SUFU: variants seen among roughly 807,000 people sequenced by gnomAD.
The protein encoded by SUFU is SUFU negative regulator of hedgehog signaling, also known as suppressor of fused homolog.
Under a neutral mutation model 58.9 loss-of-function variants are expected in SUFU, and 7 were observed. The ratio of observed to expected loss-of-function variants is 0.12; its 90% CI spans 0.07 to 0.22. The LOEUF (loss-of-function observed/expected upper bound fraction) is 0.22. Among genes scored for constraint, SUFU ranks in the 10% least tolerant of loss-of-function variants. SUFU has a pLI of 1.00. For missense variants in SUFU, 451 were observed against 641.3 expected (o/e 0.70, Z 3.20); for synonymous variants, 232 against 254.8 (o/e 0.91, Z 0.85).
At chr10:102,505,817 A>AG (rs2062318223) in intron 1 of SUFU, among the ~76,000 whole-genome samples, 1 of 152,142 alleles carries the variant, frequency 6.6e-6, no homozygotes, top group Non-Finnish European at 1.5e-5. Flanking sequence ...TCTGAGTGGA[A>AG]AGCAGCTCTT....
At chr10:102,549,529 C>T (rs1237732822) in intron 2 of SUFU, among the ~76,000 whole-genome samples, 2 of 152,166 alleles carry the variant, frequency 1.3e-5, no homozygotes, top group Non-Finnish European at 2.9e-5. Flanking sequence ...GACACAGAGC[C>T]AAACCATATC....
At position 102,617,502 on chromosome 10, in the gene SUFU, C is replaced by T. The variant is rs749880689; in HGVS notation, c.1296+74C>T. The T allele has an allele frequency of 2.4e-4, 388 of 1,605,788 alleles. 4 individuals are homozygous for T. In the Middle Eastern group the frequency reaches 0.02, roughly 81 times the overall value. On this transcript the variant is annotated intron_variant, in intron 10 of 11. Transcript: ENST00000369902. This position sits in a 1 kb window ranked among gnomAD's most constrained non-coding sequence, Gnocchi z 4.4. ...GCCCACCCCTCCTCTTCTCCCTTGG[C>T]AGCTCTTGATGGCACCCCTTCCTGG... is the stretch of plus-strand genomic sequence containing the variant.
In SUFU at chr10:102,575,382, TGAG is replaced by T. The variant is rs572312243; in HGVS notation, c.455-17199_455-17197del. Among the ~76,000 whole-genome samples, 29 of 152,298 alleles carry T rather than the reference TGAG, an allele frequency of 1.9e-4. No individual in the cohort carries two copies. In the East Asian group the frequency reaches 5.6e-3, roughly 29 times the overall value. On this transcript the variant is annotated intron_variant, in intron 3 of 11. Coordinates refer to ENST00000369902, the MANE Select transcript of SUFU (RefSeq NM_016169.4). ...ATTTATTTCTTACAGTTATGGAGGC[TGAG>T]AAGTCCAAGGTTAAAGGGCCCCATC...
At chr10:102,517,738 T>C (rs1310537137) in intron 2 of SUFU, among the ~76,000 whole-genome samples, 4 of 152,190 alleles carry the variant, frequency 2.6e-5, no homozygotes, top group Admixed American at 1.3e-4. Context: ...TGGGATCTTA[T>C]CCTCTATGAC....
At position 102,633,407 on chromosome 10, in the gene SUFU, C is replaced by A. The variant is rs1440472473; in HGVS notation, c.*3252C>A. The A allele has an allele frequency of 4.3e-6, 1 of 232,918 alleles. No homozygotes were observed. Among genetic ancestry groups the A allele is most frequent in the Non-Finnish European group, 8.5e-6 (1 of 117,638 alleles). 14.4% of individuals were successfully genotyped at this position (232,918 alleles called of 1,614,324 possible). A position where few individuals can be genotyped will look rare whatever the true frequency, so the allele number is the denominator to read the frequency against. ...TCACTTAGATGTCGTTTCCTTCTTG[C>A]CCCCTCTTCCTCTCTGTAATCTAAG... is the stretch of plus-strand genomic sequence containing the variant. On this transcript the variant is annotated 3_prime_UTR_variant, in exon 12 of 12. Transcript: ENST00000369902.
chr10:102,531,651 A>T (rs2062678863), intron 2 of SUFU, among the ~76,000 whole-genome samples: 1 of 122 alleles, frequency 8.2e-3, no homozygotes, highest in Admixed American at 0.083. Context: ...TCTCTTGGTC[A>T]GGGTCCCAAA....
At chr10:102,561,474 A>C (rs1165429214) in intron 3 of SUFU, among the ~76,000 whole-genome samples, 3 of 151,976 alleles carry the variant, frequency 2.0e-5, no homozygotes, top group Admixed American at 6.6e-5. Context: ...GGCTCAAGTG[A>C]TTCTCCTGCC....
At chr10:102,592,893 C>T (rs1412942892) in intron 4 of SUFU, among the ~76,000 whole-genome samples, 169 bp downstream of exon 4, 1 of 152,112 alleles carries the variant, frequency 6.6e-6, no homozygotes, top group Non-Finnish European at 1.5e-5. Context: ...TCTGATTTAA[C>T]CTGCTGAGAT....
chr10:102,546,719 CGT>C (rs2062859618), intron 2 of SUFU, among the ~76,000 whole-genome samples: 1 of 152,208 alleles, frequency 6.6e-6, no homozygotes, highest in African/African-American at 2.4e-5. Flanking sequence ...GACTTCAGGT[CGT>C]GTGTTTATCC....
At chr10:102,615,122 C>T in intron 8 of SUFU, 146 bp from the exon 9 acceptor site, 1 of 1,223,740 alleles carries the variant, frequency 8.2e-7, no homozygotes, top group Non-Finnish European at 1.2e-6. Flanking sequence ...GCTCGCCAGG[C>T]ATATACAGAA....
intron 2 of SUFU, among the ~76,000 whole-genome samples, chr10:102,516,855 G>A (rs984466025): frequency 6.6e-6 from 1 of 152,008 alleles, no homozygotes; most frequent in Non-Finnish European, 1.5e-5. Context: ...TGGGCATGGT[G>A]GCTCACATCT....
chr10:102,545,844 C>A (rs1212260650), intron 2 of SUFU, among the ~76,000 whole-genome samples: 1 of 152,094 alleles, frequency 6.6e-6, no homozygotes, highest in Non-Finnish European at 1.5e-5. Context: ...TGTGGTGGCA[C>A]ACACCTGTAA....
intron 2 of SUFU, among the ~76,000 whole-genome samples, chr10:102,540,846 AC>A (rs2062790785): frequency 6.6e-6 from 1 of 151,282 alleles, no homozygotes; most frequent in African/African-American, 2.4e-5. Flanking sequence ...ACATGGTGAA[AC>A]CCTGTCTCTA....
At chr10:102,511,003 C>T (rs2062394447) in intron 2 of SUFU, among the ~76,000 whole-genome samples, 1 of 151,578 alleles carries the variant, frequency 6.6e-6, no homozygotes, top group Non-Finnish European at 1.5e-5. Context: ...TGCCTGTAAT[C>T]CCAGCTACTA....
intron 2 of SUFU, among the ~76,000 whole-genome samples, chr10:102,511,275 T>C (rs2062398553): frequency 6.6e-6 from 1 of 152,156 alleles, no homozygotes; most frequent in African/African-American, 2.4e-5. Context: ...AAATAAATAG[T>C]CTTCCCTCAA....
At chr10:102,565,705 C>T (rs1226176784) in intron 3 of SUFU, among the ~76,000 whole-genome samples, 5 of 152,080 alleles carry the variant, frequency 3.3e-5, no homozygotes, top group South Asian at 2.1e-4. Context: ...CCACCACGCA[C>T]GGCTAATTTT....
chr10:102,568,874 CA>C (rs59877393), intron 3 of SUFU, among the ~76,000 whole-genome samples: 892 of 14,510 alleles, frequency 0.061, 46 homozygotes, highest in East Asian at 0.22. Flanking sequence ...AACTCTGTCT[CA>C]AAAAAAAAAA....
intron 2 of SUFU, among the ~76,000 whole-genome samples, chr10:102,515,822 TG>T (rs1332662988): frequency 2.0e-5 from 3 of 152,134 alleles, no homozygotes; most frequent in Non-Finnish European, 2.9e-5. Context: ...GCAGGCTCAT[TG>T]GGGGGCACAC....
chr10:102,529,027 T>C (rs2062645084), intron 2 of SUFU, among the ~76,000 whole-genome samples: 1 of 151,566 alleles, frequency 6.6e-6, no homozygotes, highest in African/African-American at 2.4e-5. Context: ...GGGTTTTTTT[T>C]CTATTATTTT....
Sources: allele counts gnomAD v4.1 joint callset (sites outside exome capture counted in the v4.1 genomes callset), GRCh38; gene constraint gnomAD v4.1.1; non-coding constraint Gnocchi (gnomAD v3.1); transcripts MANE v1.5; gene names NCBI Gene and HGNC (gene_info 2026-07-23, HGNC 2026-07-21).